The following C1QTNF3 variants were observed in gnomAD, a reference collection of about 807,000 sequenced individuals.
C1QTNF3 encodes C1q and TNF related 3, also known as complement C1q tumor necrosis factor-related protein 3.
C1QTNF3 carries 26 observed loss-of-function variants against 32.6 expected under a neutral mutation model. That is an observed-to-expected ratio of 0.80 (90% CI 0.58 to 1.11). The LOEUF is 1.11. Among genes scored for constraint, C1QTNF3 ranks in the 50% least tolerant of loss-of-function variants. The pLI, the probability that C1QTNF3 is intolerant of heterozygous loss-of-function variation, is 0.00. For missense variants in C1QTNF3, 362 were observed against 398.2 expected, an observed-to-expected ratio of 0.91 and a Z score of 0.77; for synonymous variants, 155 against 146.0, an observed-to-expected ratio of 1.06 and a Z score of -0.44.
chr5:34,103,902 G>T, the C1QTNF3 span, among the ~76,000 whole-genome samples: 1 of 151,808 alleles, frequency 6.6e-6, no homozygotes, highest in Non-Finnish European at 1.5e-5. Context: ...CCTGCATAGA[G>T]ATTACGTTAT....
chr5:34,063,291 C>T, the C1QTNF3 span, among the ~76,000 whole-genome samples: 2 of 85,270 alleles, frequency 2.3e-5, no homozygotes, highest in Non-Finnish European at 5.0e-5. Flanking sequence ...TCTCTTCCCT[C>T]TCTCTCCTCT....
chr5:34,067,259 T>C, the C1QTNF3 span, among the ~76,000 whole-genome samples: 1 of 152,216 alleles, frequency 6.6e-6, no homozygotes, highest in African/African-American at 2.4e-5. Flanking sequence ...CCCAACTGTT[T>C]CACCCTCTAT....
the C1QTNF3 span, among the ~76,000 whole-genome samples, chr5:34,122,955 A>G: frequency 2.0e-5 from 3 of 149,750 alleles, no homozygotes; most frequent in Non-Finnish European, 4.4e-5. Flanking sequence ...ACCACTGATT[A>G]TAACAGCCTC....
chr5:34,196,051 G>T, the C1QTNF3 span, among the ~76,000 whole-genome samples: 8 of 152,406 alleles, frequency 5.2e-5, no homozygotes, highest in South Asian at 1.0e-3. Flanking sequence ...TTCCAATCTA[G>T]GAAGCAGGCC....
At chr5:34,217,430 T>A in the C1QTNF3 span, among the ~76,000 whole-genome samples, 1 of 152,260 alleles carries the variant, frequency 6.6e-6, no homozygotes, top group South Asian at 2.1e-4. Flanking sequence ...CAGGAACCTA[T>A]ACACTTACAT....
the C1QTNF3 span, among the ~76,000 whole-genome samples, chr5:34,145,777 C>A: frequency 2.0e-5 from 3 of 151,900 alleles, no homozygotes; most frequent in South Asian, 2.1e-4. Flanking sequence ...CATACTGGAT[C>A]CAGCAGCACA....
the C1QTNF3 span, among the ~76,000 whole-genome samples, chr5:34,178,354 C>T: frequency 7.9e-5 from 12 of 152,036 alleles, no homozygotes; most frequent in African/African-American, 2.9e-4. Context: ...AACCATTTCC[C>T]CTTACTTGAC....
the C1QTNF3 span, among the ~76,000 whole-genome samples, chr5:34,059,998 C>T: frequency 3.3e-3 from 506 of 152,230 alleles, 2 homozygotes; most frequent in Middle Eastern, 0.017. Context: ...TGGGAAGTGG[C>T]CACCTTCCTC....
the C1QTNF3 span, among the ~76,000 whole-genome samples, chr5:34,225,665 T>A: frequency 6.6e-6 from 1 of 151,316 alleles, no homozygotes; most frequent in Non-Finnish European, 1.5e-5. Flanking sequence ...ATAGTCTAAA[T>A]TTTTTTTTAG....
the C1QTNF3 span, among the ~76,000 whole-genome samples, chr5:34,084,539 C>T: frequency 9.5e-4 from 144 of 151,434 alleles, 2 homozygotes; most frequent in Admixed American, 9.1e-3. Context: ...TACATAAGGG[C>T]GAAGCTTCTT....
the C1QTNF3 span, among the ~76,000 whole-genome samples, chr5:34,127,638 A>G: frequency 6.9e-6 from 1 of 145,942 alleles, no homozygotes; most frequent in South Asian, 2.2e-4. Context: ...CCCAGACTGG[A>G]GTGCAGTGGT....
At chr5:34,138,831 C>T in the C1QTNF3 span, among the ~76,000 whole-genome samples, 1 of 152,080 alleles carries the variant, frequency 6.6e-6, no homozygotes, top group Non-Finnish European at 1.5e-5. Flanking sequence ...CTGCTAGTTA[C>T]AACACAAGCA....
the C1QTNF3 span, among the ~76,000 whole-genome samples, chr5:34,090,768 A>G: frequency 6.6e-6 from 1 of 152,128 alleles, no homozygotes; most frequent in African/African-American, 2.4e-5. Context: ...CTGCCACGTA[A>G]TGACACATTG....
chr5:34,135,471 T>C, the C1QTNF3 span, among the ~76,000 whole-genome samples: 5 of 152,114 alleles, frequency 3.3e-5, no homozygotes, highest in Non-Finnish European at 5.9e-5. Flanking sequence ...TTTCTATTGA[T>C]TGGAATAGTT....
At position 34,018,346 on chromosome 5, in the gene C1QTNF3, C is replaced by G. The variant is rs997456551; in HGVS notation, c.*2237G>C. On this transcript the variant is annotated 3_prime_UTR_variant, in exon 6 of 6. Coordinates refer to ENST00000382065, the MANE Select transcript of C1QTNF3 (RefSeq NM_181435.6). ...CTTTTCCACAAGCTTTTCTTATGCT[C>G]TCAGCTAGATACTGTTTCTCTCTCC... Among the ~76,000 whole-genome samples the G allele has an allele frequency of 6.6e-6, 1 of 152,140 alleles. No individual in the cohort carries two copies. Among genetic ancestry groups the G allele is most frequent in the African/African-American group, 2.4e-5 (1 of 41,440 alleles).
chr5:34,076,984 G>A, the C1QTNF3 span, among the ~76,000 whole-genome samples: 1 of 151,694 alleles, frequency 6.6e-6, no homozygotes, highest in Non-Finnish European at 1.5e-5. Flanking sequence ...ACAAGGGAAG[G>A]TGGCTGGCAA....
At chr5:34,156,870 C>T in the C1QTNF3 span, among the ~76,000 whole-genome samples, 1 of 152,100 alleles carries the variant, frequency 6.6e-6, no homozygotes, top group Non-Finnish European at 1.5e-5. Context: ...CATGTCTGGC[C>T]TAGGAAACTC....
the C1QTNF3 span, among the ~76,000 whole-genome samples, chr5:34,132,301 C>T: frequency 6.6e-6 from 1 of 151,980 alleles, no homozygotes; most frequent in Non-Finnish European, 1.5e-5. Context: ...AGGAGAATCA[C>T]TTGAACCCAG....
At chr5:34,141,603 T>G in the C1QTNF3 span, among the ~76,000 whole-genome samples, 2 of 152,138 alleles carry the variant, frequency 1.3e-5, no homozygotes, top group Non-Finnish European at 2.9e-5. Flanking sequence ...TGGTTTTGAT[T>G]TGCATTACCC....
Sources: gnomAD v4.1 joint callset for allele counts (sites outside exome capture counted in the v4.1 genomes callset) on GRCh38, gnomAD v4.1.1 for gene constraint, MANE v1.5 for transcripts, NCBI Gene and HGNC (gene_info 2026-07-23, HGNC 2026-07-21) for gene names.